The following NEGR1 variants were observed in gnomAD, a reference collection of about 807,000 sequenced individuals.
NEGR1 encodes the protein IgLON family member 4.
In NEGR1, 10 loss-of-function variants were observed where a neutral mutation model predicts 40.9. That is an observed-to-expected ratio of 0.24 (90% CI 0.15 to 0.42). The LOEUF is 0.42. Among genes scored for constraint, NEGR1 ranks in the 10% least tolerant of loss-of-function variants. The probability of loss-of-function intolerance (pLI) is 1.00; values close to 1 mark genes in which losing one functional copy is unlikely to be tolerated. For missense variants in NEGR1, 352 were observed against 438.9 expected, an observed-to-expected ratio of 0.80 and a Z score of 1.77; for synonymous variants, 185 against 166.8, an observed-to-expected ratio of 1.11 and a Z score of -0.84.
chr1:71,730,566 A>C, intron 3 of NEGR1, among the ~76,000 whole-genome samples: 1 of 92,176 alleles, frequency 1.1e-5, no homozygotes, highest in African/African-American at 3.8e-5. Context: ...ATATAGTATA[A>C]ATTTATATAT....
At chr1:71,656,968 C>G (rs1446868723) in intron 4 of NEGR1, among the ~76,000 whole-genome samples, 1 of 152,138 alleles carries the variant, frequency 6.6e-6, no homozygotes, top group Admixed American at 6.5e-5. Flanking sequence ...AATATTGCAG[C>G]ATGGATATCT....
chr1:72,207,648 A>T (rs879667080), intron 1 of NEGR1, among the ~76,000 whole-genome samples: 24 of 151,758 alleles, frequency 1.6e-4, no homozygotes, highest in Non-Finnish European at 3.2e-4. Flanking sequence ...ACAAAAGATT[A>T]ATCTTTTGTT....
At chr1:71,922,982 C>G (rs943211267) in intron 2 of NEGR1, among the ~76,000 whole-genome samples, 1 of 152,114 alleles carries the variant, frequency 6.6e-6, no homozygotes, top group African/African-American at 2.4e-5. Context: ...CTGATCTTTA[C>G]TAGTGTCAAC....
chr1:71,925,735 A>G (rs1168102586), intron 2 of NEGR1, among the ~76,000 whole-genome samples: 1 of 152,172 alleles, frequency 6.6e-6, no homozygotes, highest in Non-Finnish European at 1.5e-5. Flanking sequence ...TGGGAAAAAA[A>G]AAAAGAAAAA....
At chr1:71,608,157 T>G (rs569045356) in intron 5 of NEGR1, among the ~76,000 whole-genome samples, 17 of 152,306 alleles carry the variant, frequency 1.1e-4, no homozygotes, top group African/African-American at 3.8e-4. Context: ...ACCATGATAT[T>G]TGAGAATTTG....
intron 3 of NEGR1, among the ~76,000 whole-genome samples, chr1:71,763,547 T>C (rs1045148221): frequency 6.6e-6 from 1 of 152,210 alleles, no homozygotes; most frequent in Non-Finnish European, 1.5e-5. Context: ...ATCATGTTCA[T>C]CTGTACAATG....
chr1:72,229,996 C>G (rs1654310020), intron 1 of NEGR1, among the ~76,000 whole-genome samples: 1 of 152,068 alleles, frequency 6.6e-6, no homozygotes, highest in Non-Finnish European at 1.5e-5. Context: ...CAGATAATCA[C>G]TGGTTCAGTG....
At chr1:72,201,294 A>C (rs1385855573) in intron 1 of NEGR1, among the ~76,000 whole-genome samples, 1 of 150,900 alleles carries the variant, frequency 6.6e-6, no homozygotes, top group African/African-American at 2.4e-5. Flanking sequence ...GTATAATATA[A>C]AAAATAATTT....
chr1:72,249,573 CAAGAT>C (rs1386562943), intron 1 of NEGR1, among the ~76,000 whole-genome samples: 1 of 151,876 alleles, frequency 6.6e-6, no homozygotes, highest in Non-Finnish European at 1.5e-5. Context: ...ACATGAAAGG[CAAGAT>C]AAGAAACAAA....
At chr1:71,984,717 A>G (rs1354314447) in intron 1 of NEGR1, among the ~76,000 whole-genome samples, 4 of 152,156 alleles carry the variant, frequency 2.6e-5, no homozygotes, top group African/African-American at 9.6e-5. Flanking sequence ...GGCATAAAGT[A>G]AGACTACAGT....
intron 1 of NEGR1, among the ~76,000 whole-genome samples, chr1:72,095,112 C>T (rs1396869874): frequency 6.6e-6 from 1 of 151,950 alleles, no homozygotes; most frequent in Non-Finnish European, 1.5e-5. Flanking sequence ...GATGATATGC[C>T]TAATTTTTTA....
At chr1:72,247,471 A>G (rs1052280670) in intron 1 of NEGR1, among the ~76,000 whole-genome samples, 6 of 152,136 alleles carry the variant, frequency 3.9e-5, no homozygotes, top group Non-Finnish European at 7.4e-5. Context: ...GATACTTTAA[A>G]TCATCACTCT....
chr1:71,612,866 A>G (rs915218), intron 4 of NEGR1, among the ~76,000 whole-genome samples: 138,297 of 152,108 alleles, frequency 0.91, 64,366 homozygotes, highest in East Asian at 1. Flanking sequence ...TGTGGCCGAC[A>G]CAAAGAGAAA....
chr1:72,199,238 G>T (rs1653114677), intron 1 of NEGR1, among the ~76,000 whole-genome samples: 1 of 144,110 alleles, frequency 6.9e-6, no homozygotes, highest in Non-Finnish European at 1.5e-5. Context: ...TAAAGGGGCT[G>T]CATAACATGT....
chr1:72,214,772 G>A (rs1320217009), intron 1 of NEGR1, among the ~76,000 whole-genome samples: 1 of 151,732 alleles, frequency 6.6e-6, no homozygotes, highest in Admixed American at 6.6e-5. Flanking sequence ...TCATGTAAAT[G>A]GCCATACTGC....
chr1:71,577,212 G>A (rs1648992914), intron 6 of NEGR1, among the ~76,000 whole-genome samples: 2 of 152,092 alleles, frequency 1.3e-5, no homozygotes, highest in Admixed American at 6.5e-5. Context: ...CCTTTTTGGT[G>A]GAGGGTCTCT....
intron 6 of NEGR1, chr1:71,477,457 A>G (rs1646828524): frequency 6.6e-6 from 1 of 152,148 alleles, no homozygotes; most frequent in African/African-American, 2.4e-5. Context: ...GCTGAAGGCA[A>G]GTTAACATTT....
intron 4 of NEGR1, among the ~76,000 whole-genome samples, chr1:71,643,669 G>A (rs1033428169): frequency 6.6e-6 from 1 of 151,916 alleles, no homozygotes; most frequent in African/African-American, 2.4e-5. Flanking sequence ...ATGCATGTAG[G>A]TGGTTTCTAC....
At chr1:72,177,906 G>A (rs907020543) in intron 1 of NEGR1, among the ~76,000 whole-genome samples, 3 of 151,914 alleles carry the variant, frequency 2.0e-5, no homozygotes, top group Admixed American at 2.0e-4. Flanking sequence ...GAGAAGAGCA[G>A]AATGACTCAG....
Sources: allele counts gnomAD v4.1 joint callset (sites outside exome capture counted in the v4.1 genomes callset), GRCh38; gene constraint gnomAD v4.1.1; transcripts MANE v1.5; gene names NCBI Gene and HGNC (gene_info 2026-07-23, HGNC 2026-07-21).